Variants in GLI2 observed in about 807,000 individuals in gnomAD.
GLI2 encodes the protein transcription activator GLI2.
A neutral mutation model predicts 78.9 loss-of-function variants in GLI2; 22 were observed. The ratio of observed to expected loss-of-function variants is 0.28; its 90% confidence interval spans 0.20 to 0.40. GLI2 has a LOEUF of 0.40. GLI2 is among the 10% of genes least tolerant of loss of function. The pLI is 1.00. For missense variants in GLI2, 2,097 were observed against 2,213.2 expected, an observed-to-expected ratio of 0.95 and a Z score of 1.05; for synonymous variants, 974 against 963.7, an observed-to-expected ratio of 1.01 and a Z score of -0.20.
chr2:120,911,167 AC>A (rs1323948517), intron 2 of GLI2, among the ~76,000 whole-genome samples: 1 of 151,730 alleles, frequency 6.6e-6, no homozygotes, highest in African/African-American at 2.4e-5. Context: ...GCCCTACCCT[AC>A]CCCACCCATG....
chr2:120,823,771 G>A (rs1268101561), intron 2 of GLI2, among the ~76,000 whole-genome samples: 1 of 152,206 alleles, frequency 6.6e-6, no homozygotes, highest in Non-Finnish European at 1.5e-5. Context: ...CTCCCTGGGA[G>A]CTTGTGGCAT....
chr2:120,783,845 G>T (rs192623065), intron 1 of GLI2, among the ~76,000 whole-genome samples: 1 of 152,166 alleles, frequency 6.6e-6, no homozygotes, highest in Non-Finnish European at 1.5e-5. Context: ...CATTTCAATC[G>T]GTTGCTCTTG....
intron 2 of GLI2, among the ~76,000 whole-genome samples, chr2:120,841,848 G>GGT (rs555474895): frequency 0.14 from 18,200 of 132,548 alleles, 1,163 homozygotes; most frequent in Non-Finnish European, 0.15. Context: ...CAGTCTGGAG[G>GGT]GTGTGTGTGT....
chr2:120,991,924 C>T lies in GLI2; in HGVS notation c.*1249C>T, dbSNP rs1468278546. ...TCCTGTTCAGTGTGACCAAGACCCA[C>T]CTGGAAATGGAATTTGGAACTGGCT... On this transcript the variant is annotated 3_prime_UTR_variant, in exon 14 of 14. Transcript: ENST00000361492. 1 of 151,970 alleles carries T rather than the reference C, an allele frequency of 6.6e-6. No homozygotes were observed. Among genetic ancestry groups the T allele is most frequent in the Non-Finnish European group, 1.5e-5 (1 of 68,034 alleles). The allele number at this position is 151,970 out of a possible 1,614,324, so 9.4% of individuals were successfully genotyped here.
intron 1 of GLI2, among the ~76,000 whole-genome samples, chr2:120,792,018 C>T (rs748102123): frequency 2.0e-5 from 3 of 152,134 alleles, no homozygotes; most frequent in South Asian, 2.1e-4. Flanking sequence ...GTGAGAACAC[C>T]GTGGCTCTGT....
chr2:120,944,647 G>A (rs75536006), intron 3 of GLI2, among the ~76,000 whole-genome samples: 1 of 152,178 alleles, frequency 6.6e-6, no homozygotes, highest in Non-Finnish European at 1.5e-5. Flanking sequence ...CATCTGGGTG[G>A]ACCATTAGAC....
intron 2 of GLI2, among the ~76,000 whole-genome samples, chr2:120,819,173 G>C (rs1685646112): frequency 6.6e-6 from 1 of 151,674 alleles, no homozygotes; most frequent in Admixed American, 6.6e-5. Flanking sequence ...AGATGGGTGA[G>C]GTTTGTGTTG....
intron 2 of GLI2, among the ~76,000 whole-genome samples, chr2:120,854,358 G>A (rs1687548060): frequency 6.6e-6 from 1 of 152,178 alleles, no homozygotes; most frequent in Non-Finnish European, 1.5e-5. Context: ...TTTTAAGAGG[G>A]TCTGCCTGCC....
At chr2:120,949,198 C>T (rs1025073861) in intron 3 of GLI2, among the ~76,000 whole-genome samples, 1 of 152,216 alleles carries the variant, frequency 6.6e-6, no homozygotes, top group South Asian at 2.1e-4. Context: ...TAGCAGCCCC[C>T]GCCTAGGCTA....
At chr2:120,818,670 G>T (rs1424011421) in intron 2 of GLI2, among the ~76,000 whole-genome samples, 1 of 152,156 alleles carries the variant, frequency 6.6e-6, no homozygotes, top group Non-Finnish European at 1.5e-5. Flanking sequence ...TGTCTCTCCA[G>T]GGACTCTCCA....
intron 3 of GLI2, among the ~76,000 whole-genome samples, chr2:120,949,728 G>A (rs1680886300): frequency 6.6e-6 from 1 of 152,216 alleles, no homozygotes; most frequent in South Asian, 2.1e-4. Flanking sequence ...GTCTGCTGAA[G>A]CTAGACAACC....
chr2:120,848,150 C>T (rs1003731488), intron 2 of GLI2, among the ~76,000 whole-genome samples: 1 of 152,224 alleles, frequency 6.6e-6, no homozygotes, highest in Non-Finnish European at 1.5e-5. Flanking sequence ...TGAGCAAGCA[C>T]TTTGAATGCC....
chr2:120,829,250 C>T (rs1686240636), intron 2 of GLI2, among the ~76,000 whole-genome samples: 1 of 152,170 alleles, frequency 6.6e-6, no homozygotes, highest in African/African-American at 2.4e-5. Flanking sequence ...GACACAGAGC[C>T]CCAGGGGCAG....
chr2:120,974,779 AGTGTGTGTGT>A (rs3043526), intron 8 of GLI2, 186 bp from the exon 9 acceptor site: 14 of 649,328 alleles, frequency 2.2e-5, no homozygotes, highest in South Asian at 1.7e-4. Flanking sequence ...AAGGCTGATG[AGTGTGTGTGT>A]GTGTGTGTGT....
rs369138377 is a variant in GLI2, at chr2:120,797,320, G to C, written c.-1G>C. The C allele has an allele frequency of 1.8e-3, 2,964 of 1,614,036 alleles. 72 individuals carry two copies. The South Asian group carries it at 0.03, about 16-fold the overall frequency. On this transcript the variant is annotated 5_prime_UTR_variant, in exon 2 of 14. Transcript: ENST00000361492. ...GCCACCCAGGACGATGAGCGGCTGA[G>C]ATGGAGACGTCTGCCTCAGCCACTG...
chr2:120,858,699 G>T (rs1687769779), intron 2 of GLI2, among the ~76,000 whole-genome samples: 1 of 152,204 alleles, frequency 6.6e-6, no homozygotes, highest in Admixed American at 6.5e-5. Context: ...GCAGGAAATG[G>T]TGGAGGTGAG....
At chr2:120,931,868 G>A (rs188143922) in intron 3 of GLI2, among the ~76,000 whole-genome samples, 1 of 152,306 alleles carries the variant, frequency 6.6e-6, no homozygotes, top group Admixed American at 6.5e-5. Flanking sequence ...CCAGTGATGG[G>A]CAGCAGCATG....
chr2:120,926,636 A>G (rs930818507), intron 2 of GLI2, among the ~76,000 whole-genome samples: 4 of 152,184 alleles, frequency 2.6e-5, no homozygotes, highest in Non-Finnish European at 4.4e-5. Context: ...CTTTTAATAA[A>G]CAAAGAGCAT....
chr2:120,764,482 C>T (rs1029295512), intron 1 of GLI2, among the ~76,000 whole-genome samples: 1 of 152,186 alleles, frequency 6.6e-6, no homozygotes, highest in Non-Finnish European at 1.5e-5. Context: ...TGCATGTCAC[C>T]CTCACTTGTA....
Sources: gnomAD v4.1 joint callset for allele counts (sites outside exome capture counted in the v4.1 genomes callset) on GRCh38, gnomAD v4.1.1 for gene constraint, MANE v1.5 for transcripts, NCBI Gene and HGNC (gene_info 2026-07-23, HGNC 2026-07-21) for gene names.